The following PRIM2 variants were observed in gnomAD, a reference collection of about 807,000 sequenced individuals.
PRIM2 encodes the protein DNA primase large subunit.
PRIM2 carries 39 observed loss-of-function variants against 67.3 expected under a neutral mutation model. The observed-to-expected ratio is 0.58, with a 90% CI of 0.45 to 0.76. PRIM2 has a LOEUF of 0.76. Ranked by LOEUF, PRIM2 falls within the 30% of genes least tolerant of loss-of-function variation. PRIM2 has a pLI of 0.00. For missense variants in PRIM2, 398 were observed against 598.7 expected (o/e 0.66, Z 3.50); for synonymous variants, 143 against 198.7 (o/e 0.72, Z 2.36).
upstream of PRIM2, among the ~76,000 whole-genome samples, chr6:57,316,622 TCTC>T (rs573219008): frequency 3.7e-4 from 57 of 152,320 alleles, no homozygotes; most frequent in South Asian, 8.9e-3. Context: ...ATTCATTTGA[TCTC>T]CTAAGGACTA....
intron 11 of PRIM2, among the ~76,000 whole-genome samples, chr6:57,602,922 G>A (rs1371580334): frequency 4.6e-5 from 7 of 152,048 alleles, no homozygotes; most frequent in Admixed American, 3.3e-4. Flanking sequence ...ATACCTCCAC[G>A]CCCCAACACA....
intron 7 of PRIM2, among the ~76,000 whole-genome samples, chr6:57,470,667 G>A (rs1230190741): frequency 6.6e-6 from 1 of 151,636 alleles, no homozygotes; most frequent in Non-Finnish European, 1.5e-5. Flanking sequence ...TTAAATAATT[G>A]TATGTAGCCT....
At chr6:57,502,497 C>T (rs1774154858) in intron 7 of PRIM2, among the ~76,000 whole-genome samples, 1 of 152,154 alleles carries the variant, frequency 6.6e-6, no homozygotes, top group Non-Finnish European at 1.5e-5. Context: ...CATGCTAATG[C>T]CGCGATTTTT....
intron 5 of PRIM2, among the ~76,000 whole-genome samples, chr6:57,348,452 C>T (rs368129408): frequency 1.3e-5 from 2 of 151,978 alleles, no homozygotes; most frequent in African/African-American, 4.8e-5. Context: ...AAGTTATGGA[C>T]TTGAGTTGGT....
In PRIM2 at chr6:57,443,589, A is replaced by T. The variant is rs1168273339; in HGVS notation, c.693+61421A>T. 2.6e-5 allele frequency among the ~76,000 whole-genome samples: 4 copies of T among 152,062 alleles called. No individual in the cohort carries two copies. In the East Asian group the frequency reaches 7.7e-4, roughly 29 times the overall value. On this transcript the variant is annotated intron_variant, in intron 7 of 13. Coordinates refer to ENST00000615550, the MANE Select transcript of PRIM2 (RefSeq NM_000947.5). ...TAATGTCTATTCTGGTCCCTTGCCCATTTTTAAACTGGATTTTTTTTGGTT... is the reference window on the plus strand; with the variant it reads ...TAATGTCTATTCTGGTCCCTTGCCCTTTTTTAAACTGGATTTTTTTTGGTT...
chr6:57,302,561 C>T, the PRIM2 span, among the ~76,000 whole-genome samples: 1 of 152,116 alleles, frequency 6.6e-6, no homozygotes, highest in African/African-American at 2.4e-5. Flanking sequence ...AGCCTCTAGC[C>T]TCTCAAAGGC....
intron 10 of PRIM2, among the ~76,000 whole-genome samples, chr6:57,559,376 A>G (rs1775583922): frequency 6.6e-6 from 1 of 152,174 alleles, no homozygotes; most frequent in South Asian, 2.1e-4. Flanking sequence ...TACCTGTTCT[A>G]GTGAATTTTT....
At chr6:57,422,951 T>C (rs1771512902) in intron 7 of PRIM2, among the ~76,000 whole-genome samples, 1 of 152,214 alleles carries the variant, frequency 6.6e-6, no homozygotes, top group South Asian at 2.1e-4. Flanking sequence ...AGTTGAAGTT[T>C]GAATGTCTCA....
At chr6:57,425,855 T>C (rs1209451625) in intron 7 of PRIM2, among the ~76,000 whole-genome samples, 2 of 152,058 alleles carry the variant, frequency 1.3e-5, no homozygotes, top group Non-Finnish European at 2.9e-5. Flanking sequence ...TCAGTTAAAG[T>C]ATGGTAAAAA....
chr6:57,605,394 T>C (rs1297433267), intron 11 of PRIM2, among the ~76,000 whole-genome samples: 1 of 152,198 alleles, frequency 6.6e-6, no homozygotes, highest in African/African-American at 2.4e-5. Context: ...GCTGTGAATC[T>C]ACCTGGTCCA....
intron 7 of PRIM2, among the ~76,000 whole-genome samples, chr6:57,404,914 C>T (rs1214570297): frequency 6.8e-6 from 1 of 146,674 alleles, no homozygotes; most frequent in Non-Finnish European, 1.5e-5. Flanking sequence ...CTCTAATTTT[C>T]CAGATCATTT....
chr6:57,336,052 C>T (rs1176719263), intron 5 of PRIM2, among the ~76,000 whole-genome samples: 14 of 151,840 alleles, frequency 9.2e-5, no homozygotes, highest in East Asian at 3.9e-4. Flanking sequence ...TCGAGAACTA[C>T]GTGAAGAATG....
chr6:57,364,619 C>G (rs1009332073), intron 5 of PRIM2, among the ~76,000 whole-genome samples: 11 of 152,064 alleles, frequency 7.2e-5, no homozygotes, highest in African/African-American at 2.4e-4. Flanking sequence ...CTAGTTCACT[C>G]TTTCTCTGAA....
intron 7 of PRIM2, among the ~76,000 whole-genome samples, chr6:57,447,443 T>C (rs1290111280): frequency 6.6e-6 from 1 of 152,118 alleles, no homozygotes; most frequent in Non-Finnish European, 1.5e-5. Context: ...AGCTAAGAGA[T>C]GGGTATTAAG....
intron 7 of PRIM2, among the ~76,000 whole-genome samples, chr6:57,476,005 G>A (rs1461719054): frequency 1.3e-5 from 2 of 151,946 alleles, no homozygotes; most frequent in South Asian, 2.1e-4. Context: ...TCCTAGGTCA[G>A]TGTTGTTGTT....
intron 10 of PRIM2, among the ~76,000 whole-genome samples, chr6:57,551,819 A>G (rs1228847146): frequency 6.6e-6 from 1 of 152,194 alleles, no homozygotes; most frequent in Non-Finnish European, 1.5e-5. Flanking sequence ...TAGTGCCTGG[A>G]TGTGGTTTTA....
the PRIM2 span, among the ~76,000 whole-genome samples, chr6:57,296,588 T>TTGGTGGTGGTGGTAGTGGG: frequency 2.4e-4 from 37 of 151,284 alleles, no homozygotes; most frequent in African/African-American, 7.8e-4. Context: ...GTAGCGGGGT[T>TTGGTGGTGGTGGTAGTGGG]TGGTGGTGGT....
At position 57,524,769 on chromosome 6, in the gene PRIM2, T is replaced by A. The variant is rs1554349211; in HGVS notation, c.762-7642T>A. Among the ~76,000 whole-genome samples the A allele has an allele frequency of 5.5e-3, 843 of 152,210 alleles. 6 individuals are homozygous for A. Among genetic ancestry groups the A allele is most frequent in the Non-Finnish European group, 9.6e-3 (652 of 68,028 alleles). Reference sequence around the variant, plus strand: ...ATGAATTCTCTTATAGCAGAATATATAATTTAAGACCATCGCCTCAAAATA... The same window carrying A: ...ATGAATTCTCTTATAGCAGAATATAAAATTTAAGACCATCGCCTCAAAATA... On this transcript the variant is annotated intron_variant, in intron 8 of 13. Coordinates refer to ENST00000615550, the MANE Select transcript of PRIM2 (RefSeq NM_000947.5).
chr6:57,335,460 CT>C (rs1478403053), intron 5 of PRIM2, among the ~76,000 whole-genome samples: 1 of 152,180 alleles, frequency 6.6e-6, no homozygotes, highest in Non-Finnish European at 1.5e-5. Flanking sequence ...TTAAACGTCC[CT>C]GTCTGACAGC....
Sources: gnomAD v4.1 joint callset for allele counts (sites outside exome capture counted in the v4.1 genomes callset) on GRCh38, gnomAD v4.1.1 for gene constraint, MANE v1.5 for transcripts, NCBI Gene and HGNC (gene_info 2026-07-23, HGNC 2026-07-21) for gene names.